GALNTL6: variants seen among roughly 807,000 people sequenced by gnomAD.
GALNTL6 encodes polypeptide N-acetylgalactosaminyltransferase like 6, also known as polypeptide N-acetylgalactosaminyltransferase-like 6.
A neutral mutation model predicts 73.7 loss-of-function variants in GALNTL6; 46 were observed. The ratio of observed to expected loss-of-function variants is 0.62; its 90% CI spans 0.49 to 0.80. GALNTL6 has a LOEUF of 0.80. Among genes scored for constraint, GALNTL6 ranks in the 30% least tolerant of loss-of-function variants. The probability of loss-of-function intolerance (pLI) is 0.00; values close to 1 mark genes in which losing one functional copy is unlikely to be tolerated. For synonymous variants in GALNTL6, 259 were observed against 263.7 expected (o/e 0.98, Z 0.17); for missense variants, 604 against 755.0 (o/e 0.80, Z 2.34).
At chr4:172,668,907 G>A (rs535833102) in intron 5 of GALNTL6, 1 of 152,232 alleles carries the variant, frequency 6.6e-6, no homozygotes, top group Admixed American at 6.5e-5. Flanking sequence ...GGGCAGCTGG[G>A]AAGGTTGCAG....
intron 5 of GALNTL6, among the ~76,000 whole-genome samples, chr4:172,652,851 T>A (rs1740538375): frequency 6.6e-6 from 1 of 152,164 alleles, no homozygotes; most frequent in African/African-American, 2.4e-5. Flanking sequence ...ATAAGAAGGT[T>A]TTCTGTTTCC....
chr4:172,876,766 T>G (rs1254421246), intron 7 of GALNTL6, among the ~76,000 whole-genome samples: 1 of 152,246 alleles, frequency 6.6e-6, no homozygotes, highest in South Asian at 2.1e-4. Flanking sequence ...TTCAAAATTC[T>G]AATGTAAGCA....
chr4:172,893,266 T>C (rs751587495), intron 8 of GALNTL6, among the ~76,000 whole-genome samples: 7 of 151,502 alleles, frequency 4.6e-5, no homozygotes, highest in African/African-American at 7.3e-5. Context: ...CCCAAAACAG[T>C]GTTGTTGAGA....
At chr4:172,486,114 A>T (rs1290495829) in intron 5 of GALNTL6, among the ~76,000 whole-genome samples, 1 of 152,238 alleles carries the variant, frequency 6.6e-6, no homozygotes, top group Non-Finnish European at 1.5e-5. Flanking sequence ...TTTTAGTCTA[A>T]TAGTAGACAC....
At chr4:172,489,084 T>C (rs1192206885) in intron 5 of GALNTL6, among the ~76,000 whole-genome samples, 1 of 152,222 alleles carries the variant, frequency 6.6e-6, no homozygotes, top group Non-Finnish European at 1.5e-5. Context: ...TACCTTATTA[T>C]ACCAAGTAGT....
intron 5 of GALNTL6, among the ~76,000 whole-genome samples, chr4:172,648,929 G>T (rs1350302861): frequency 6.6e-6 from 1 of 152,046 alleles, no homozygotes; most frequent in Non-Finnish European, 1.5e-5. Context: ...CCTTACCTCT[G>T]AAAAATCAGA....
At chr4:172,054,834 G>T (rs1050484511) in intron 2 of GALNTL6, among the ~76,000 whole-genome samples, 34 of 152,208 alleles carry the variant, frequency 2.2e-4, no homozygotes, top group African/African-American at 8.2e-4. Context: ...ATGAGAAGTC[G>T]TGCCTTTTCA....
intron 10 of GALNTL6, among the ~76,000 whole-genome samples, chr4:173,003,408 A>G (rs1191099788): frequency 6.6e-6 from 1 of 152,208 alleles, no homozygotes. Flanking sequence ...AGGCTTGTTC[A>G]TCTGCATTCT....
intron 5 of GALNTL6, among the ~76,000 whole-genome samples, chr4:172,474,653 T>G (rs1201945787): frequency 6.6e-6 from 1 of 152,216 alleles, no homozygotes; most frequent in African/African-American, 2.4e-5. Flanking sequence ...GAGCTTATAC[T>G]TGCCTACTTT....
intron 5 of GALNTL6, among the ~76,000 whole-genome samples, chr4:172,417,170 T>A (rs1730868981): frequency 6.7e-6 from 1 of 150,326 alleles, no homozygotes; most frequent in African/African-American, 2.5e-5. Context: ...TTCTGTTGCT[T>A]TATGTGTGTG....
chr4:172,607,293 C>T (rs996027912), intron 5 of GALNTL6, among the ~76,000 whole-genome samples: 1 of 152,140 alleles, frequency 6.6e-6, no homozygotes, highest in African/African-American at 2.4e-5. Context: ...TCACCTTCCT[C>T]CAACCTCCAC....
chr4:172,063,996 G>T (rs1226014267), intron 2 of GALNTL6, among the ~76,000 whole-genome samples: 1 of 152,074 alleles, frequency 6.6e-6, no homozygotes, highest in Admixed American at 6.6e-5. Context: ...TCCTTCTCCT[G>T]CAGGATTATT....
intron 10 of GALNTL6, among the ~76,000 whole-genome samples, chr4:172,988,477 G>T (rs1314199858): frequency 6.6e-6 from 1 of 152,240 alleles, no homozygotes; most frequent in African/African-American, 2.4e-5. Context: ...GGGAAGCAGA[G>T]CATAAAAGTT....
intron 10 of GALNTL6, among the ~76,000 whole-genome samples, chr4:172,967,313 A>C (rs1327532629): frequency 6.6e-6 from 1 of 152,224 alleles, no homozygotes; most frequent in East Asian, 1.9e-4. Flanking sequence ...ATTTCTGGAA[A>C]GGATGGCCTA....
intron 5 of GALNTL6, among the ~76,000 whole-genome samples, chr4:172,721,999 TCCC>T (rs1735503702): frequency 6.7e-6 from 1 of 149,078 alleles, no homozygotes; most frequent in Non-Finnish European, 1.5e-5. Context: ...TTTTTTTTTT[TCCC>T]AAAATCGTGA....
At chr4:172,137,415 C>T (rs949408685) in intron 2 of GALNTL6, among the ~76,000 whole-genome samples, 3 of 152,008 alleles carry the variant, frequency 2.0e-5, no homozygotes, top group Admixed American at 1.3e-4. Flanking sequence ...CAAAGGTGTA[C>T]AAGATTGGAA....
chr4:172,327,139 C>T (rs1384639112), intron 4 of GALNTL6, among the ~76,000 whole-genome samples: 1 of 151,736 alleles, frequency 6.6e-6, no homozygotes, highest in African/African-American at 2.4e-5. Context: ...TTTTCTGTTG[C>T]TTTTTTATTT....
In GALNTL6 at chr4:171,926,484, T is replaced by A. The variant is rs149125439; in HGVS notation, c.138+111766T>A. Among the ~76,000 whole-genome samples the A allele has an allele frequency of 6.8e-3, 1,034 of 152,212 alleles. 6 individuals are homozygous for A. The highest frequency in any genetic ancestry group is 0.024 in the African/African-American group (984 of 41,554). On this transcript the variant is annotated intron_variant, in intron 2 of 12. Transcript: ENST00000506823. ...TCTTTGTGTATTAATGTGTTAGAAT[T>A]CCAACTGCTACTTATGGAATTTTTA... is the stretch of plus-strand genomic sequence containing the variant.
intron 2 of GALNTL6, among the ~76,000 whole-genome samples, chr4:171,971,253 C>G (rs1451986177): frequency 6.6e-6 from 1 of 152,170 alleles, no homozygotes; most frequent in Non-Finnish European, 1.5e-5. Flanking sequence ...AACCCTATTT[C>G]TAGGCTGTGA....
Sources: gnomAD v4.1 joint callset for allele counts (sites outside exome capture counted in the v4.1 genomes callset) on GRCh38, gnomAD v4.1.1 for gene constraint, MANE v1.5 for transcripts, NCBI Gene and HGNC (gene_info 2026-07-23, HGNC 2026-07-21) for gene names.